Variants in MSRA observed in about 807,000 individuals in gnomAD.
MSRA encodes the protein mitochondrial peptide methionine sulfoxide reductase.
In MSRA, 54 loss-of-function variants were observed where a neutral mutation model predicts 31.3. That is an observed-to-expected ratio of 1.73 (90% CI 1.39 to 2.17). The LOEUF (loss-of-function observed/expected upper bound fraction) is 2.17, where lower values mean the gene tolerates loss of function less well. Among genes scored for constraint, MSRA ranks in the 30% most tolerant of loss-of-function variants. The pLI is 0.00. For synonymous variants in MSRA, 169 were observed against 116.5 expected (o/e 1.45, Z -2.90); for missense variants, 507 against 300.9 (o/e 1.69, Z -5.07).
chr8:10,092,499 A>G (rs2128928206), intron 1 of MSRA, among the ~76,000 whole-genome samples: 1 of 152,296 alleles, frequency 6.6e-6, no homozygotes, highest in South Asian at 2.1e-4. Context: ...CTTTACTAAA[A>G]ATATAAAAGT....
At chr8:10,083,600 G>A (rs1288627959) in intron 1 of MSRA, among the ~76,000 whole-genome samples, 1 of 152,308 alleles carries the variant, frequency 6.6e-6, no homozygotes, top group Middle Eastern at 3.4e-3. Flanking sequence ...CCTGAGTTAA[G>A]TATCAAATTG....
intron 1 of MSRA, among the ~76,000 whole-genome samples, chr8:10,189,378 A>T (rs1187614765): frequency 6.6e-6 from 1 of 152,120 alleles, no homozygotes; most frequent in Non-Finnish European, 1.5e-5. Context: ...ACCTCACTAC[A>T]ATGTCAAATA....
intron 1 of MSRA, among the ~76,000 whole-genome samples, chr8:10,111,757 G>C (rs924629544): frequency 6.6e-6 from 1 of 152,196 alleles, no homozygotes; most frequent in African/African-American, 2.4e-5. Context: ...AGTTTTTAGA[G>C]AGAACTTCTT....
chr8:10,406,747 G>T (rs1807842001), intron 5 of MSRA, among the ~76,000 whole-genome samples: 1 of 152,198 alleles, frequency 6.6e-6, no homozygotes, highest in Admixed American at 6.5e-5. Context: ...TCCAAAAAGT[G>T]CAATTTTCCA....
intron 3 of MSRA, among the ~76,000 whole-genome samples, chr8:10,276,207 G>A (rs1478779374): frequency 6.6e-6 from 1 of 152,210 alleles, no homozygotes; most frequent in Non-Finnish European, 1.5e-5. Context: ...CACAGCAGTG[G>A]CTCCCTGACT....
intron 1 of MSRA, among the ~76,000 whole-genome samples, chr8:10,113,460 G>A (rs1222674873): frequency 1.3e-5 from 2 of 151,492 alleles, no homozygotes; most frequent in Non-Finnish European, 2.9e-5. Flanking sequence ...GTAATGGGAG[G>A]GTAGGAGGAG....
At chr8:10,280,476 T>G (rs1386200273) in intron 3 of MSRA, among the ~76,000 whole-genome samples, 1 of 152,236 alleles carries the variant, frequency 6.6e-6, no homozygotes, top group Non-Finnish European at 1.5e-5. Context: ...TTTTCCTGTT[T>G]GAGTTATTTA....
chr8:10,228,396 C>T (rs999461327), intron 2 of MSRA, among the ~76,000 whole-genome samples: 9 of 152,106 alleles, frequency 5.9e-5, no homozygotes, highest in Non-Finnish European at 8.8e-5. Context: ...CCAGTAAATG[C>T]CCAGTACAGA....
At chr8:10,201,043 C>T (rs899837118) in intron 1 of MSRA, among the ~76,000 whole-genome samples, 1 of 152,110 alleles carries the variant, frequency 6.6e-6, no homozygotes, top group Admixed American at 6.5e-5. Flanking sequence ...TACCCTGAAC[C>T]ACCATGACTT....
chr8:10,250,440 A>G, intron 3 of MSRA: 2 of 702,540 alleles, frequency 2.8e-6, no homozygotes, highest in South Asian at 1.5e-5. Context: ...GAACAATTCC[A>G]TGTTTATTAG....
At chr8:10,091,806 C>A (rs747754477) in intron 1 of MSRA, among the ~76,000 whole-genome samples, 4 of 152,058 alleles carry the variant, frequency 2.6e-5, no homozygotes, top group African/African-American at 7.2e-5. Context: ...GGGATTTTGC[C>A]ATGTTGGCCA....
At chr8:10,199,005 T>C (rs1808245565) in intron 1 of MSRA, among the ~76,000 whole-genome samples, 1 of 152,342 alleles carries the variant, frequency 6.6e-6, no homozygotes, top group African/African-American at 2.4e-5. Context: ...AAAGCTAGTC[T>C]CTCTTTTGAG....
At chr8:10,236,310 G>A (rs2129076033) in intron 2 of MSRA, among the ~76,000 whole-genome samples, 1 of 152,234 alleles carries the variant, frequency 6.6e-6, no homozygotes, top group East Asian at 1.9e-4. Context: ...GAGGGAGACA[G>A]AAAACTCATT....
At chr8:10,149,727 A>G (rs1250955535) in intron 1 of MSRA, among the ~76,000 whole-genome samples, 1 of 151,188 alleles carries the variant, frequency 6.6e-6, no homozygotes, top group East Asian at 2.0e-4. Context: ...ATGTACATAT[A>G]GTGGTTTCCA....
At chr8:10,422,136 G>A (rs1196944965) in intron 5 of MSRA, among the ~76,000 whole-genome samples, 1 of 152,170 alleles carries the variant, frequency 6.6e-6, no homozygotes. Flanking sequence ...ATTAAAATTA[G>A]CCAGGTATGG....
At chr8:10,136,165 C>T (rs1802254773) in intron 1 of MSRA, among the ~76,000 whole-genome samples, 1 of 152,168 alleles carries the variant, frequency 6.6e-6, no homozygotes, top group Non-Finnish European at 1.5e-5. Flanking sequence ...TAAGGGCTTG[C>T]AGTCACGCTG....
intron 1 of MSRA, among the ~76,000 whole-genome samples, chr8:10,090,644 G>A (rs989436997): frequency 1.3e-5 from 2 of 152,100 alleles, no homozygotes; most frequent in African/African-American, 2.4e-5. Flanking sequence ...AAAATGTTTG[G>A]TTCACTCCAA....
chr8:10,323,794 A>C lies in MSRA; in HGVS notation c.543+3805A>C, dbSNP rs142558975. Among the ~76,000 whole-genome samples the C allele has an allele frequency of 5.2e-3, 553 of 107,010 alleles. 1 individual carries two copies. The highest frequency in any genetic ancestry group is 0.014 in the Admixed American group (131 of 9,520). The allele number at this position is 107,010 out of a possible 152,430, so 70.2% of individuals were successfully genotyped here. The stretch of plus-strand genomic sequence containing the variant: ...TGTGTGTCTGTGTCTGTCTGTCTGC[A>C]TGTCTGCATGTCTATGTGTCTGTTT... On this transcript the variant is annotated intron_variant, in intron 5 of 5. Coordinates refer to ENST00000317173, the MANE Select transcript of MSRA (RefSeq NM_012331.5).
intron 2 of MSRA, among the ~76,000 whole-genome samples, chr8:10,222,038 C>G (rs1306533387): frequency 3.3e-5 from 5 of 150,868 alleles, no homozygotes; most frequent in African/African-American, 1.2e-4. Flanking sequence ...ATTTTGCACA[C>G]TATAGGAAGT....
Sources: allele counts gnomAD v4.1 joint callset (sites outside exome capture counted in the v4.1 genomes callset), GRCh38; gene constraint gnomAD v4.1.1; transcripts MANE v1.5; gene names NCBI Gene and HGNC (gene_info 2026-07-23, HGNC 2026-07-21).